PKIB: variants seen among roughly 807,000 people sequenced by gnomAD.
PKIB encodes PKI-beta.
PKIB carries 2 observed loss-of-function variants against 4.5 expected under a neutral mutation model. The ratio of observed to expected loss-of-function variants is 0.44; its 90% confidence interval spans 0.18 to 1.39. The LOEUF (loss-of-function observed/expected upper bound fraction) is 1.39. Ranked by LOEUF, PKIB falls within the 40% of genes most tolerant of loss-of-function variation. The probability of loss-of-function intolerance (pLI) is 0.27; values close to 1 mark genes in which losing one functional copy is unlikely to be tolerated. For synonymous variants in PKIB, 38 were observed against 36.0 expected (o/e 1.06, Z -0.20); for missense variants, 94 against 92.6 (o/e 1.02, Z -0.06).
At chr6:122,494,689 G>A (rs1245233185) in intron 2 of PKIB, among the ~76,000 whole-genome samples, 2 of 152,172 alleles carry the variant, frequency 1.3e-5, no homozygotes, top group African/African-American at 4.8e-5. Flanking sequence ...CTTCAAGTGG[G>A]TCATCAAAGG....
intron 1 of PKIB, 50 bp downstream of exon 1, chr6:122,610,585 G>A (rs542275796): frequency 1.3e-5 from 2 of 152,542 alleles, no homozygotes; most frequent in Admixed American, 1.3e-4. Flanking sequence ...TATGCGAGGA[G>A]GGAGGAGTGG....
chr6:122,471,950 G>C, exon 1 of PKIB: 1 of 1,139,758 alleles, frequency 8.8e-7, no homozygotes, highest in East Asian at 2.8e-5. Context: ...CGACACGGCT[G>C]TCTTCTTTCC....
chr6:122,646,320 G>T (rs576107545), intron 2 of PKIB, among the ~76,000 whole-genome samples: 25 of 152,226 alleles, frequency 1.6e-4, no homozygotes, highest in African/African-American at 6.0e-4. Flanking sequence ...CATTATTTGG[G>T]AATGCCCTAC....
intron 2 of PKIB, among the ~76,000 whole-genome samples, chr6:122,664,387 G>C (rs1031654267): frequency 3.3e-5 from 5 of 152,268 alleles, no homozygotes; most frequent in African/African-American, 1.2e-4. Flanking sequence ...AGATAATTTT[G>C]ACACTTAATG....
intron 2 of PKIB, among the ~76,000 whole-genome samples, chr6:122,660,891 A>C (rs1213408824): frequency 2.0e-5 from 3 of 152,150 alleles, no homozygotes; most frequent in Admixed American, 1.3e-4. Flanking sequence ...CATTTAATAA[A>C]CCTTTTATGT....
intron 2 of PKIB, among the ~76,000 whole-genome samples, chr6:122,651,010 T>C (rs1327816365): frequency 1.3e-5 from 2 of 152,180 alleles, no homozygotes. Context: ...CTCTGCTTAG[T>C]GGGATGATAT....
intron 1 of PKIB, 79 bp from the exon 2 acceptor site, chr6:122,633,204 A>G (rs1775769771): frequency 6.6e-6 from 1 of 152,184 alleles, no homozygotes; most frequent in South Asian, 2.1e-4. Flanking sequence ...TCTAAGGAAC[A>G]ACTTGTTCTT....
At chr6:122,718,474 A>G (rs1442051469) in intron 4 of PKIB, among the ~76,000 whole-genome samples, 6 of 152,220 alleles carry the variant, frequency 3.9e-5, no homozygotes, top group South Asian at 2.1e-4. Flanking sequence ...ATATGAAAGT[A>G]TAAGGATACT....
chr6:122,576,856 T>G lies in PKIB; in HGVS notation c.-247-9065T>G, dbSNP rs570207246. On this transcript the variant is annotated intron_variant, in intron 2 of 6. Coordinates refer to the PKIB transcript ENST00000392491. ...TAAATTAAGTATAACTTGCCTGGCT[T>G]TGTGTGTAATTAAACAAATTGAAAA... Among the ~76,000 whole-genome samples the G allele has an allele frequency of 2.6e-5, 4 of 151,740 alleles. No individual in the cohort carries two copies. The East Asian group carries it at 7.7e-4, about 29-fold the overall frequency.
chr6:122,643,445 T>C (rs1231495763), intron 2 of PKIB: 1 of 152,222 alleles, frequency 6.6e-6, no homozygotes, highest in African/African-American at 2.4e-5. Flanking sequence ...TCAGTATTCT[T>C]GATTGCCTGC....
chr6:122,706,392 T>C (rs1582831602), intron 3 of PKIB, among the ~76,000 whole-genome samples: 2 of 152,338 alleles, frequency 1.3e-5, no homozygotes, highest in Middle Eastern at 6.8e-3. Context: ...AGCATCTTCA[T>C]GTGTCCCCAC....
intron 2 of PKIB, among the ~76,000 whole-genome samples, chr6:122,647,646 A>G (rs144074988): frequency 4.0e-4 from 61 of 152,348 alleles, no homozygotes; most frequent in African/African-American, 1.4e-3. Context: ...AAAGTTAGCT[A>G]TTATGAATAT....
At chr6:122,483,486 T>C (rs1168052223) in intron 2 of PKIB, 2 of 151,956 alleles carry the variant, frequency 1.3e-5, no homozygotes, top group African/African-American at 4.8e-5. Context: ...CTGGTTAGAG[T>C]CCTCTAAATT....
chr6:122,642,576 T>C (rs185079898), intron 2 of PKIB, among the ~76,000 whole-genome samples: 1 of 152,276 alleles, frequency 6.6e-6, no homozygotes, highest in Admixed American at 6.5e-5. Context: ...CTTCTCACTC[T>C]ATCCCATTTG....
At chr6:122,533,877 C>T (rs956394126) in intron 2 of PKIB, among the ~76,000 whole-genome samples, 1 of 151,964 alleles carries the variant, frequency 6.6e-6, no homozygotes, top group Non-Finnish European at 1.5e-5. Flanking sequence ...TCTTCTAGTG[C>T]TTACTTCTTA....
At chr6:122,713,599 A>G (rs1047295970) in intron 3 of PKIB, among the ~76,000 whole-genome samples, 4 of 152,220 alleles carry the variant, frequency 2.6e-5, no homozygotes, top group Non-Finnish European at 1.5e-5. Context: ...AGAGATGGCT[A>G]CTGGGGGAAG....
At chr6:122,629,130 T>C (rs1051613210) in intron 1 of PKIB, among the ~76,000 whole-genome samples, 4 of 152,206 alleles carry the variant, frequency 2.6e-5, no homozygotes, top group Non-Finnish European at 4.4e-5. Context: ...CACCACAATG[T>C]CCATTACAAC....
chr6:122,608,319 C>G (rs572838351), upstream of PKIB, among the ~76,000 whole-genome samples: 3 of 152,308 alleles, frequency 2.0e-5, no homozygotes, highest in Admixed American at 2.0e-4. Flanking sequence ...TTGGCACAAT[C>G]CCAAAGTTGG....
intron 2 of PKIB, among the ~76,000 whole-genome samples, chr6:122,506,372 G>T (rs897431980): frequency 5.9e-5 from 9 of 152,110 alleles, no homozygotes; most frequent in African/African-American, 1.7e-4. Flanking sequence ...TTTTTTTAAA[G>T]ATTATATATA....
Sources: allele counts gnomAD v4.1 joint callset (sites outside exome capture counted in the v4.1 genomes callset), GRCh38; gene constraint gnomAD v4.1.1; transcripts MANE v1.5; gene names NCBI Gene and HGNC (gene_info 2026-07-23, HGNC 2026-07-21).